SFTPD: variants seen among roughly 807,000 people sequenced by gnomAD.
SFTPD encodes the protein pulmonary surfactant-associated protein D.
Under a neutral mutation model 34.6 loss-of-function variants are expected in SFTPD, and 18 were observed. The ratio of observed to expected loss-of-function variants is 0.52; its 90% CI spans 0.36 to 0.77. SFTPD has a LOEUF of 0.77. Among genes scored for constraint, SFTPD ranks in the 30% least tolerant of loss-of-function variants. The pLI is 0.00. For synonymous variants in SFTPD, 155 were observed against 180.9 expected, an observed-to-expected ratio of 0.86 and a Z score of 1.15; for missense variants, 433 against 468.9, an observed-to-expected ratio of 0.92 and a Z score of 0.71.
At chr10:79,943,003 ACC>A in intron 2 of SFTPD, 124 bp from the exon 3 acceptor site, 1 of 657,336 alleles carries the variant, frequency 1.5e-6, no homozygotes, top group Non-Finnish European at 2.7e-6. Context: ...ACCGTCACAC[ACC>A]CAGGCCCAGT....
At chr10:79,966,805 T>C (rs1222794498) in intron 1 of SFTPD, among the ~76,000 whole-genome samples, 1 of 145,478 alleles carries the variant, frequency 6.9e-6, no homozygotes, top group Non-Finnish European at 1.5e-5. Context: ...TACATATGGC[T>C]AGCCAGTTTT....
At chr10:79,948,511 A>G (rs1298380491) in intron 1 of SFTPD, among the ~76,000 whole-genome samples, 1 of 152,174 alleles carries the variant, frequency 6.6e-6, no homozygotes, top group African/African-American at 2.4e-5. Context: ...CTAAGCTTTC[A>G]GAGTACAATT....
chr10:79,968,015 C>T (rs56964253), intron 1 of SFTPD, among the ~76,000 whole-genome samples: 11,603 of 150,594 alleles, frequency 0.077, 890 homozygotes, highest in East Asian at 0.39. Flanking sequence ...AAATAAACAG[C>T]CTTATTGCTC....
At chr10:79,951,529 T>C (rs1564531599), upstream of SFTPD, among the ~76,000 whole-genome samples, 3 of 152,340 alleles carry the variant, frequency 2.0e-5, no homozygotes, top group South Asian at 6.2e-4. Flanking sequence ...TTATGCTGAT[T>C]GTAGTAGCAA....
At chr10:79,978,855 A>G (rs1270756708) in intron 1 of SFTPD, among the ~76,000 whole-genome samples, 1 of 151,968 alleles carries the variant, frequency 6.6e-6, no homozygotes, top group Non-Finnish European at 1.5e-5. Context: ...CAGCTCAATT[A>G]GGCAATAAAA....
chr10:79,971,201 A>G (rs1842832640), intron 1 of SFTPD: 1 of 152,138 alleles, frequency 6.6e-6, no homozygotes. Flanking sequence ...CATCCCTGCA[A>G]TAAATCCCAA....
intron 1 of SFTPD, among the ~76,000 whole-genome samples, chr10:79,963,666 C>G (rs1564534131): frequency 6.6e-6 from 1 of 152,114 alleles, no homozygotes; most frequent in Non-Finnish European, 1.5e-5. Context: ...ACATAATCTC[C>G]TTTGTCCCTG....
chr10:79,969,276 C>A (rs1026234293), intron 1 of SFTPD: 3 of 152,040 alleles, frequency 2.0e-5, no homozygotes, highest in Non-Finnish European at 4.4e-5. Context: ...GAGTTAGAGA[C>A]CAGCCTGACC....
intron 1 of SFTPD, among the ~76,000 whole-genome samples, chr10:79,957,730 G>A (rs991720514): frequency 2.6e-5 from 4 of 152,188 alleles, no homozygotes; most frequent in Admixed American, 2.6e-4. Context: ...CACTCTGCAG[G>A]ATATTATCCA....
Position 79,956,901 on chromosome 10 carries a change from C to T in SFTPD, c.37-10239G>A, listed in dbSNP as rs552087061. On this transcript the variant is annotated intron_variant, in intron 1 of 5. Transcript: ENST00000444384. ...AGCAGCCTAACTGGGAGGCACCCCC[C>T]AGTAGGGACAGACTGACACCTCACA... Among the ~76,000 whole-genome samples, 3 of 152,334 alleles carry T rather than the reference C, an allele frequency of 2.0e-5. No homozygotes were observed. In the South Asian group the frequency reaches 6.2e-4, roughly 32 times the overall value.
At chr10:79,978,560 G>A (rs774190073) in intron 1 of SFTPD, among the ~76,000 whole-genome samples, 1 of 150,510 alleles carries the variant, frequency 6.6e-6, no homozygotes, top group Non-Finnish European at 1.5e-5. Flanking sequence ...GCTGAGGTGG[G>A]AGGATCACTT....
At chr10:79,961,417 C>T (rs1353704719) in intron 1 of SFTPD, among the ~76,000 whole-genome samples, 1 of 149,952 alleles carries the variant, frequency 6.7e-6, no homozygotes, top group Non-Finnish European at 1.5e-5. Context: ...GGCTAATATG[C>T]AGAATCTACA....
rs1842825129 is a variant in SFTPD at position 79,969,705 on chromosome 10, G to A, written c.36+12870C>T. The stretch of plus-strand genomic sequence containing the variant: ...TTGGCCTCTGTATGTCTTCTTTTGA[G>A]AAATGTCTGTTCAGATCATTTCACA... On this transcript the variant is annotated intron_variant, in intron 1 of 5. Coordinates refer to the SFTPD transcript ENST00000444384. 1.3e-5 allele frequency: 2 copies of A among 151,212 alleles called. 1 individual carries two copies. The highest frequency in any genetic ancestry group is 4.2e-4 in the South Asian group (2 of 4,786). The allele number at this position is 151,212 out of a possible 1,614,324, so 9.4% of individuals were successfully genotyped here.
chr10:79,943,001 A>G, intron 2 of SFTPD, 122 bp from the exon 3 acceptor site: 1 of 666,996 alleles, frequency 1.5e-6, no homozygotes, highest in Non-Finnish European at 2.7e-6. Flanking sequence ...CCACCGTCAC[A>G]CACCCAGGCC....
upstream of SFTPD, chr10:79,950,766 A>C (rs1245060357): frequency 2.0e-5 from 3 of 152,188 alleles, no homozygotes; most frequent in Non-Finnish European, 4.4e-5. Flanking sequence ...TATTCCCTCA[A>C]ATAGGTTTTC....
At chr10:79,976,494 T>C (rs552718878) in intron 1 of SFTPD, among the ~76,000 whole-genome samples, 11 of 152,144 alleles carry the variant, frequency 7.2e-5, no homozygotes, top group Admixed American at 2.6e-4. Context: ...TTGAAGGAAG[T>C]CTGGTGCCAG....
At chr10:79,981,547 G>C (rs1842890010) in intron 1 of SFTPD, among the ~76,000 whole-genome samples, 2 of 152,174 alleles carry the variant, frequency 1.3e-5, no homozygotes, top group Non-Finnish European at 2.9e-5. Flanking sequence ...CCTCCCGCCA[G>C]CCCAGCCCAG....
At chr10:79,942,354 C>T (rs1564529115) in intron 4 of SFTPD, 34 bp downstream of exon 4, 5 of 1,417,426 alleles carry the variant, frequency 3.5e-6, no homozygotes, top group East Asian at 4.6e-5. Context: ...TTCCTCCTTT[C>T]CCTTCTCAGA....
Position 79,975,392 on chromosome 10 carries a change from GT to G in SFTPD, c.36+7182del. Among the ~76,000 whole-genome samples, 3 of 152,150 alleles carry G rather than the reference GT, an allele frequency of 2.0e-5. No individual in the cohort carries two copies. In the Middle Eastern group the frequency reaches 0.01, roughly 518 times the overall value. On this transcript the variant is annotated intron_variant, in intron 1 of 5. Transcript: ENST00000444384. ...CTCATCAGTGTGAAAAAGTTCCTAG[GT>G]GGAATGAACCAGACCCCACACTTGT...
Sources: allele counts gnomAD v4.1 joint callset (sites outside exome capture counted in the v4.1 genomes callset), GRCh38; gene constraint gnomAD v4.1.1; transcripts MANE v1.5; gene names NCBI Gene and HGNC (gene_info 2026-07-23, HGNC 2026-07-21).